The following SOX30 variants were observed in gnomAD, a reference collection of about 807,000 sequenced individuals.
SOX30 encodes transcription factor SOX-30.
In SOX30, 17 loss-of-function variants were observed where a neutral mutation model predicts 58.6. The observed-to-expected ratio is 0.29, with a 90% CI of 0.20 to 0.44. The LOEUF is 0.44. SOX30 is among the 20% of genes least tolerant of loss of function. SOX30 has a pLI of 1.00. For missense variants in SOX30, 951 were observed against 965.8 expected, an observed-to-expected ratio of 0.98 and a Z score of 0.20; for synonymous variants, 421 against 400.2, an observed-to-expected ratio of 1.05 and a Z score of -0.62.
intron 4 of SOX30, among the ~76,000 whole-genome samples, chr5:157,633,718 C>T (rs1047250651): frequency 1.3e-5 from 2 of 152,154 alleles, no homozygotes; most frequent in East Asian, 1.9e-4. Context: ...ATTCATTTGC[C>T]TAAAATTTTA....
At chr5:157,635,931 G>A (rs1250401240) in intron 4 of SOX30, among the ~76,000 whole-genome samples, 1 of 152,174 alleles carries the variant, frequency 6.6e-6, no homozygotes, top group East Asian at 1.9e-4. Flanking sequence ...TAGTAAAAAA[G>A]ACAAATATGA....
intron 2 of SOX30, among the ~76,000 whole-genome samples, chr5:157,665,901 CTT>C (rs67520310): frequency 1.4e-3 from 184 of 130,218 alleles, no homozygotes; most frequent in Middle Eastern, 0.012. Flanking sequence ...AGGATATTCC[CTT>C]TTTTTTTTTT....
chr5:157,636,181 T>C (rs938110232), intron 4 of SOX30, among the ~76,000 whole-genome samples: 18 of 152,190 alleles, frequency 1.2e-4, no homozygotes, highest in Non-Finnish European at 8.8e-5. Flanking sequence ...CACAGCCCAT[T>C]GTAATTGACT....
At chr5:157,639,367 C>G (rs571504336) in intron 3 of SOX30, among the ~76,000 whole-genome samples, 66 of 152,012 alleles carry the variant, frequency 4.3e-4, no homozygotes, top group African/African-American at 1.5e-3. Context: ...ATAAACTTCT[C>G]TATATTAAAC....
chr5:157,635,716 G>T (rs1400934423), intron 4 of SOX30, among the ~76,000 whole-genome samples: 1 of 152,056 alleles, frequency 6.6e-6, no homozygotes, highest in African/African-American at 2.4e-5. Context: ...TACATTAACA[G>T]TCAAATCTTA....
chr5:157,665,665 TTAAA>T (rs1014812155), intron 2 of SOX30, among the ~76,000 whole-genome samples: 3 of 147,502 alleles, frequency 2.0e-5, no homozygotes, highest in Non-Finnish European at 4.5e-5. Flanking sequence ...ATATAAATAT[TTAAA>T]TAAATATAAA....
At chr5:157,663,221 G>T (rs923273195) in intron 2 of SOX30, among the ~76,000 whole-genome samples, 1 of 152,176 alleles carries the variant, frequency 6.6e-6, no homozygotes, top group East Asian at 1.9e-4. Flanking sequence ...CTGGCAAAAT[G>T]AATCCAGCAG....
intron 2 of SOX30, among the ~76,000 whole-genome samples, chr5:157,663,800 A>G (rs1759618414): frequency 3.9e-5 from 6 of 152,194 alleles, no homozygotes; most frequent in Admixed American, 3.9e-4. Flanking sequence ...GCATTCCTAT[A>G]CACCAATAAC....
upstream of SOX30, among the ~76,000 whole-genome samples, chr5:157,653,266 G>C (rs1425223374): frequency 3.3e-5 from 5 of 152,078 alleles, no homozygotes; most frequent in African/African-American, 1.2e-4. Context: ...ATAAAATCTT[G>C]GTCTACTTAT....
chr5:157,659,758 T>G (rs1759543499), intron 2 of SOX30, among the ~76,000 whole-genome samples: 1 of 152,216 alleles, frequency 6.6e-6, no homozygotes. Flanking sequence ...TACTGTAAGA[T>G]GTACATAGCT....
exon 1 of SOX30, chr5:157,671,443 T>C (rs1759785949): frequency 3.3e-6 from 2 of 609,140 alleles, no homozygotes; most frequent in East Asian, 2.9e-5. Flanking sequence ...TCTGCACGCA[T>C]GTCCAACAGC....
In SOX30 at chr5:157,626,534, T is replaced by A; in HGVS notation, c.2068A>T (p.Asn690Tyr). The change falls in exon 5 of 5, where the codon AAC (asparagine) becomes TAC (tyrosine). Residue 690 changes from asparagine (N) to tyrosine (Y), a missense_variant. Around this residue, in one of 7 missense-constraint regions of SOX30, gnomAD observed 381 missense variants for 390.0 expected, o/e 0.98. Coordinates refer to ENST00000265007, the MANE Select transcript of SOX30 (RefSeq NM_178424.2). The stretch of plus-strand genomic sequence containing the variant: ...TTATAGTAAGAAGTTCCATTCATGT[T>A]CTCACAACTCCGAGAATTTTCACTG... ...THSENSRSCENMNGTSYYNSH... is the reference protein window; with the variant it reads ...THSENSRSCEYMNGTSYYNSH... 1 of 1,614,206 alleles carries A rather than the reference T, an allele frequency of 6.2e-7. No individual in the cohort carries two copies.
intron 1 of SOX30, among the ~76,000 whole-genome samples, chr5:157,670,007 A>G (rs1406482791): frequency 6.6e-6 from 1 of 152,240 alleles, no homozygotes; most frequent in Non-Finnish European, 1.5e-5. Flanking sequence ...TATGAAGGGC[A>G]AGGAAAAAGC....
chr5:157,657,262 G>T (rs1759490502), upstream of SOX30, among the ~76,000 whole-genome samples: 2 of 152,164 alleles, frequency 1.3e-5, no homozygotes, highest in Non-Finnish European at 2.9e-5. Context: ...ATGACTTGGT[G>T]TATATTGTGA....
intron 3 of SOX30, among the ~76,000 whole-genome samples, chr5:157,639,365 C>T (rs1759007062): frequency 6.6e-6 from 1 of 151,824 alleles, no homozygotes; most frequent in Admixed American, 6.6e-5. Context: ...TTATAAACTT[C>T]TCTATATTAA....
In SOX30 at chr5:157,651,294, A is replaced by G. The variant is rs1219685021; in HGVS notation, c.785T>C (p.Leu262Ser). The change falls in exon 1 of 5, where the codon TTG (leucine) becomes TCG (serine). Residue 262 changes from leucine (L) to serine (S), a missense_variant. Physicochemically the swap from Leu to Ser is moderately radical, Grantham distance 145 (BLOSUM62 -2). This residue lies in a region of SOX30 where 84 missense variants were observed against 68.2 expected (regional missense o/e 1.23). Transcript: ENST00000265007. Reference sequence around the variant, plus strand: ...CCCAGGGGGGACCGTGTGGAGCGTCAAAGGGATCCTAAGGTCTTGCTGGTG... The same window carrying G: ...CCCAGGGGGGACCGTGTGGAGCGTCGAAGGGATCCTAAGGTCTTGCTGGTG... ...GPHQQDLRIP[L>S]TLHTVPPGAR... 2 of 1,614,138 alleles carry G rather than the reference A, an allele frequency of 1.2e-6. No individual in the cohort carries two copies. The highest frequency in any genetic ancestry group is 1.7e-6 in the Non-Finnish European group (2 of 1,180,044).
Position 157,652,073 on chromosome 5 carries a change from C to G in SOX30, c.6G>C (p.Glu2Asp). ...GAGGCGGCGGCTCGGGTCTGGCTCT[C>G]TCCATGGGGGAGGGGGACGCCCCGG... M[E>D]RARPEPPPQP... Residue 2 changes from glutamate (E) to aspartate (D), a missense_variant, in exon 1 of 5, where the codon GAG (glutamate) becomes GAC (aspartate). By Grantham distance (45) the Glu-to-Asp change is conservative (BLOSUM62 2). Transcript: ENST00000265007. 7.1e-7 allele frequency: 1 copy of G among 1,405,952 alleles called. No homozygotes were observed. Among genetic ancestry groups the G allele is most frequent in the Non-Finnish European group, 9.2e-7 (1 of 1,087,312 alleles). 87.1% of individuals were successfully genotyped at this position (1,405,952 alleles called of 1,614,324 possible). A position where few individuals can be genotyped will look rare whatever the true frequency, so the allele number is the denominator to read the frequency against.
chr5:157,665,901 CTTTTTTTTT>C (rs67520310), intron 2 of SOX30, among the ~76,000 whole-genome samples: 1 of 130,252 alleles, frequency 7.7e-6, no homozygotes, highest in African/African-American at 2.9e-5. Context: ...AGGATATTCC[CTTTTTTTTT>C]TTTTTTTTTT....
At chr5:157,665,855 C>T (rs1189760523) in intron 2 of SOX30, among the ~76,000 whole-genome samples, 1 of 150,230 alleles carries the variant, frequency 6.7e-6, no homozygotes, top group East Asian at 1.9e-4. Context: ...TGAGTCACTG[C>T]AAAGTTGCAA....
Sources: gnomAD v4.1 joint callset for allele counts (sites outside exome capture counted in the v4.1 genomes callset) on GRCh38, gnomAD v4.1.1 for gene constraint, gnomAD v4.1.1 regional missense constraint, MANE v1.5 for transcripts, NCBI Gene and HGNC (gene_info 2026-07-23, HGNC 2026-07-21) for gene names.